Variants in DYNC1I1 observed in about 807,000 individuals in gnomAD.
The protein encoded by DYNC1I1 is cytoplasmic dynein 1 intermediate chain 1.
DYNC1I1 carries 43 observed loss-of-function variants against 86.6 expected under a neutral mutation model. The ratio of observed to expected loss-of-function variants is 0.50; its 90% CI spans 0.39 to 0.64. The LOEUF (loss-of-function observed/expected upper bound fraction) is 0.64, where lower values mean the gene tolerates loss of function less well. DYNC1I1 is among the 30% of genes least tolerant of loss of function. The probability of loss-of-function intolerance (pLI) is 0.00; values close to 1 mark genes in which losing one functional copy is unlikely to be tolerated. For synonymous variants in DYNC1I1, 262 were observed against 283.7 expected, an observed-to-expected ratio of 0.92 and a Z score of 0.77; for missense variants, 604 against 788.8, an observed-to-expected ratio of 0.77 and a Z score of 2.81.
At chr7:95,978,220 G>A (rs759354018) in intron 7 of DYNC1I1, among the ~76,000 whole-genome samples, 2 of 152,166 alleles carry the variant, frequency 1.3e-5, no homozygotes, top group Non-Finnish European at 2.9e-5. Flanking sequence ...TTTATAGGCA[G>A]AGAACTAGGA....
chr7:95,967,533 C>G (rs1793047843), intron 6 of DYNC1I1, among the ~76,000 whole-genome samples: 1 of 152,162 alleles, frequency 6.6e-6, no homozygotes, highest in South Asian at 2.1e-4. Context: ...AGTGTATTGC[C>G]AAATGCCACC....
At chr7:95,986,235 G>A (rs144186842) in intron 8 of DYNC1I1, among the ~76,000 whole-genome samples, 212 of 152,302 alleles carry the variant, frequency 1.4e-3, no homozygotes, top group African/African-American at 4.7e-3. Context: ...TGAAGCAAAT[G>A]AACAGAGGAA....
chr7:96,039,376 T>A lies in DYNC1I1; in HGVS notation c.1464T>A (p.Phe488Leu). The A allele has an allele frequency of 6.2e-7, 1 of 1,614,128 alleles. No individual in the cohort carries two copies. Among genetic ancestry groups the A allele is most frequent in the Non-Finnish European group, 8.5e-7 (1 of 1,179,974 alleles). ...GCCCAATCGACTTTTCTCACCTGTT[T>A]GTCACATCATCATTTGACTGGACTG... ...AVGPIDFSHL[F>L]VTSSFDWTVK... The change falls in exon 14 of 17, where the codon TTT becomes TTA. Residue 488 changes from phenylalanine (F) to leucine (L), a missense_variant. Physicochemically the swap from Phe to Leu is conservative, Grantham distance 22 (BLOSUM62 0). Coordinates refer to ENST00000447467, the MANE Select transcript of DYNC1I1 (RefSeq NM_001135556.2).
rs539427840 is a variant in DYNC1I1 at position 95,890,218 on chromosome 7, C to T, written c.490+20220C>T. Among the ~76,000 whole-genome samples, 11 of 152,178 alleles carry T rather than the reference C, an allele frequency of 7.2e-5. No homozygotes were observed. The South Asian group carries it at 8.3e-4, about 11-fold the overall frequency. The stretch of plus-strand genomic sequence containing the variant: ...AGTGGCAAAGTGAATAAAGAAAATG[C>T]GGTGCATATATACCATGGAATACTA... On this transcript the variant is annotated intron_variant, in intron 6 of 16. Transcript: ENST00000447467.
chr7:95,960,498 G>A (rs561642980), intron 6 of DYNC1I1, among the ~76,000 whole-genome samples: 1 of 152,302 alleles, frequency 6.6e-6, no homozygotes, highest in South Asian at 2.1e-4. Flanking sequence ...ACCAGTGTAG[G>A]AAGGCAATGG....
At chr7:95,837,856 G>A (rs1246057471) in intron 5 of DYNC1I1, among the ~76,000 whole-genome samples, 2 of 152,252 alleles carry the variant, frequency 1.3e-5, no homozygotes, top group African/African-American at 2.4e-5. Flanking sequence ...CCACTGACCT[G>A]CGTCCACTGT....
intron 6 of DYNC1I1, among the ~76,000 whole-genome samples, chr7:95,927,059 A>G (rs1791765173): frequency 6.6e-6 from 1 of 152,170 alleles, no homozygotes; most frequent in Admixed American, 6.6e-5. Context: ...TGACCTCATG[A>G]GCAAAAACTG....
chr7:95,793,730 T>G (rs1487073221), intron 1 of DYNC1I1, among the ~76,000 whole-genome samples: 1 of 152,166 alleles, frequency 6.6e-6, no homozygotes, highest in Non-Finnish European at 1.5e-5. Flanking sequence ...GAGCTAATGG[T>G]CCCAGCCTGC....
At chr7:96,060,161 C>T (rs1191011217) in intron 14 of DYNC1I1, among the ~76,000 whole-genome samples, 1 of 152,150 alleles carries the variant, frequency 6.6e-6, no homozygotes, top group African/African-American at 2.4e-5. Context: ...TTCCCTGGTG[C>T]AGGTTCTTCC....
intron 10 of DYNC1I1, among the ~76,000 whole-genome samples, chr7:96,007,110 T>C (rs958665683): frequency 4.6e-5 from 7 of 152,216 alleles, no homozygotes; most frequent in African/African-American, 1.7e-4. Context: ...AAGTACTCTT[T>C]TTTTCATACA....
At chr7:95,946,972 A>G (rs113221666) in intron 6 of DYNC1I1, among the ~76,000 whole-genome samples, 137 of 152,324 alleles carry the variant, frequency 9.0e-4, no homozygotes, top group African/African-American at 3.1e-3. Flanking sequence ...TTAGGACAGA[A>G]GCATGGAGAA....
At chr7:95,961,775 G>T in intron 6 of DYNC1I1, among the ~76,000 whole-genome samples, 1 of 152,208 alleles carries the variant, frequency 6.6e-6, no homozygotes, top group Non-Finnish European at 1.5e-5. Context: ...AGCCTGTTGG[G>T]AATATAGCTA....
chr7:95,862,278 T>G (rs758021581), intron 5 of DYNC1I1, among the ~76,000 whole-genome samples: 2 of 151,932 alleles, frequency 1.3e-5, no homozygotes, highest in African/African-American at 4.8e-5. Flanking sequence ...ACAGAATGGA[T>G]GAAAATATTT....
chr7:95,948,085 C>T (rs746240351), intron 6 of DYNC1I1, among the ~76,000 whole-genome samples: 5 of 146,184 alleles, frequency 3.4e-5, no homozygotes, highest in Admixed American at 7.1e-5. Context: ...CAACAGTGGG[C>T]GAGTAAGAAT....
chr7:95,965,505 G>A (rs1363955378), intron 6 of DYNC1I1, among the ~76,000 whole-genome samples: 4 of 152,116 alleles, frequency 2.6e-5, no homozygotes, highest in Admixed American at 2.0e-4. Flanking sequence ...TGTATAAAGT[G>A]TTTAAAGTAT....
chr7:96,007,832 G>T (rs1330480298), intron 10 of DYNC1I1, among the ~76,000 whole-genome samples: 4 of 152,172 alleles, frequency 2.6e-5, no homozygotes, highest in Non-Finnish European at 5.9e-5. Context: ...TATTATAAAT[G>T]CCAAGACCTA....
chr7:96,024,425 A>AT (rs1670099085), intron 10 of DYNC1I1, among the ~76,000 whole-genome samples: 1 of 152,134 alleles, frequency 6.6e-6, no homozygotes, highest in African/African-American at 2.4e-5. Flanking sequence ...GCCATACGTT[A>AT]TTTTTCAAAG....
chr7:96,106,241 A>G (rs891160282), intron 16 of DYNC1I1, among the ~76,000 whole-genome samples: 5 of 152,068 alleles, frequency 3.3e-5, no homozygotes, highest in Non-Finnish European at 7.4e-5. Context: ...AGTTTTAAAA[A>G]TCCCTCTTAG....
chr7:95,944,153 A>G (rs1792325135), intron 6 of DYNC1I1, among the ~76,000 whole-genome samples: 1 of 152,266 alleles, frequency 6.6e-6, no homozygotes, highest in African/African-American at 2.4e-5. Flanking sequence ...TCCAGCATCT[A>G]CAATGAACTC....
Sources: allele counts gnomAD v4.1 joint callset (sites outside exome capture counted in the v4.1 genomes callset), GRCh38; gene constraint gnomAD v4.1.1; transcripts MANE v1.5; gene names NCBI Gene and HGNC (gene_info 2026-07-23, HGNC 2026-07-21).